Variants in RP9 observed in about 807,000 individuals in gnomAD.
RP9 encodes the protein retinitis pigmentosa 9 protein.
RP9 carries 23 observed loss-of-function variants against 32.6 expected under a neutral mutation model. The ratio of observed to expected loss-of-function variants is 0.71; its 90% CI spans 0.51 to 1.00. The LOEUF (loss-of-function observed/expected upper bound fraction) is 1.00, where lower values mean the gene tolerates loss of function less well. Among genes scored for constraint, RP9 ranks in the 50% least tolerant of loss-of-function variants. The pLI is 0.00. For missense variants in RP9, 245 were observed against 285.3 expected (o/e 0.86, Z 1.02); for synonymous variants, 94 against 103.6 (o/e 0.91, Z 0.56).
In RP9 at chr7:33,109,399, A is replaced by AGCCCCCGC. The variant is rs1305480028; in HGVS notation, c.-28_-27insGCGGGGGC. ...TCAGCCCCCGCAGCGCCGCTCGGGC[A>AGCCCCCGC]ACCCCCGCGGCGCGGCTCCGGCGGC... On this transcript the variant is annotated 5_prime_UTR_variant, in exon 1 of 6. Coordinates refer to ENST00000297157, the MANE Select transcript of RP9 (RefSeq NM_203288.2). The surrounding 1 kb of genome is among the most constrained non-coding windows in gnomAD (Gnocchi z 4.9). The AGCCCCCGC allele has an allele frequency of 3.5e-6, 4 of 1,149,732 alleles. No individual in the cohort carries two copies. The East Asian group carries it at 2.2e-4, about 63-fold the overall frequency. 71.2% of individuals were successfully genotyped at this position (1,149,732 alleles called of 1,614,324 possible).
At chr7:33,096,270 A>G (rs1474505568) in intron 5 of RP9, among the ~76,000 whole-genome samples, 3 of 152,222 alleles carry the variant, frequency 2.0e-5, no homozygotes, top group Non-Finnish European at 2.9e-5. Context: ...GTGGCCAGAG[A>G]GCTGGACCAA....
intron 3 of RP9, among the ~76,000 whole-genome samples, chr7:33,098,675 C>T (rs1406497815): frequency 6.6e-6 from 1 of 152,168 alleles, no homozygotes; most frequent in East Asian, 1.9e-4. Context: ...GTTGTCTTTG[C>T]TTTTAACAAA....
chr7:33,109,152 C>A lies in RP9; in HGVS notation c.152+69G>T. The A allele has an allele frequency of 6.9e-7, 1 of 1,457,178 alleles. No individual in the cohort carries two copies. 90.3% of individuals were successfully genotyped at this position (1,457,178 alleles called of 1,614,324 possible). On this transcript the variant is annotated intron_variant, in intron 1 of 5. Transcript: ENST00000297157. The surrounding 1 kb of genome is among the most constrained non-coding windows in gnomAD (Gnocchi z 4.9). ...GGAGGACCCGGCCTAGCGCCCACCG[C>A]GGCGTCCCGCGCCCCGGGCCCCTGG...
At chr7:33,097,504 C>T in intron 3 of RP9, 142 bp from the exon 4 acceptor site, 1 of 654,276 alleles carries the variant, frequency 1.5e-6, no homozygotes, top group South Asian at 1.9e-5. Context: ...CATGTAAGAT[C>T]CCAGAAACAG....
intron 1 of RP9, among the ~76,000 whole-genome samples, chr7:33,107,850 T>G (rs1788520402): frequency 6.6e-6 from 1 of 152,228 alleles, no homozygotes; most frequent in Non-Finnish European, 1.5e-5. Flanking sequence ...TCCAGAGCAA[T>G]TCTCAGGCTG....
intron 1 of RP9, among the ~76,000 whole-genome samples, chr7:33,102,002 C>T (rs958923475): frequency 2.6e-5 from 4 of 151,990 alleles, no homozygotes; most frequent in Admixed American, 1.3e-4. Flanking sequence ...AAGCATTATA[C>T]AAAAAATATA....
chr7:33,095,168 G>C lies in RP9; in HGVS notation c.*66C>G, dbSNP rs538428399. On this transcript the variant is annotated 3_prime_UTR_variant, in exon 6 of 6. Transcript: ENST00000297157. ...GCGTCTCTATCCTGCTGCTTTCTCT[G>C]ACTGCATCTTCCTCTGTTCCTTGGT... is the stretch of plus-strand genomic sequence containing the variant. 379 of 1,589,874 alleles carry C rather than the reference G, an allele frequency of 2.4e-4. 1 individual carries two copies. Among genetic ancestry groups the C allele is most frequent in the Non-Finnish European group, 3.1e-4 (358 of 1,158,464 alleles).
At chr7:33,102,314 A>G (rs192881414) in intron 1 of RP9, among the ~76,000 whole-genome samples, 50 of 152,328 alleles carry the variant, frequency 3.3e-4, no homozygotes, top group Non-Finnish European at 6.8e-4. Flanking sequence ...ACAGTGTGAC[A>G]GTTAAGAGGT....
intron 2 of RP9, 200 bp downstream of exon 2, chr7:33,100,331 G>A (rs1466522418): frequency 1.6e-6 from 1 of 636,182 alleles, no homozygotes; most frequent in Non-Finnish European, 2.8e-6. Flanking sequence ...TTCAGGGAAG[G>A]GAAACATGGC....
At chr7:33,106,943 C>CAA (rs887599053) in intron 1 of RP9, among the ~76,000 whole-genome samples, 5 of 118,788 alleles carry the variant, frequency 4.2e-5, no homozygotes, top group Admixed American at 8.9e-5. Flanking sequence ...GACTCCATCT[C>CAA]AAAAAAAAAA....
intron 1 of RP9, chr7:33,100,844 G>A (rs2128032764): frequency 5.2e-6 from 3 of 578,236 alleles, no homozygotes; most frequent in Non-Finnish European, 3.3e-6. Context: ...CTCCAGATGG[G>A]ACAGGCAGCA....
intron 1 of RP9, among the ~76,000 whole-genome samples, chr7:33,106,830 G>C (rs1788506062): frequency 1.3e-5 from 2 of 152,040 alleles, no homozygotes; most frequent in South Asian, 2.1e-4. Context: ...TGTAGTCCCA[G>C]GTACTTGGGA....
chr7:33,097,280 CT>C lies in RP9; in HGVS notation c.395del (p.Gln132ArgfsTer24), dbSNP rs1655923227. 1 of 1,611,516 alleles carries C rather than the reference CT, an allele frequency of 6.2e-7. No individual in the cohort carries two copies. Among genetic ancestry groups the C allele is most frequent in the South Asian group, 1.1e-5 (1 of 91,022 alleles). The part of the protein sequence containing the change: ...FFIKGNQKLE[Q>X]FRVAHEDPMY... ...CTTGGACTTTACTTACCACTCTGAA[CT>C]GCTCTAACTTTTGGTTGCCTTTGAT... On this transcript the variant is annotated frameshift_variant, in exon 4 of 6. Transcript: ENST00000297157. LOFTEE classifies it high-confidence loss of function.
intron 1 of RP9, among the ~76,000 whole-genome samples, chr7:33,108,778 C>T (rs1788537829): frequency 6.6e-6 from 1 of 152,218 alleles, no homozygotes; most frequent in African/African-American, 2.4e-5. Flanking sequence ...CTCTAGTGCA[C>T]GGGTACATAA....
intron 1 of RP9, among the ~76,000 whole-genome samples, chr7:33,103,614 G>A (rs181767705): frequency 5.3e-5 from 8 of 152,006 alleles, no homozygotes; most frequent in Admixed American, 6.6e-5. Context: ...AGGAGTTCGC[G>A]ACCAGCCTGG....
intron 5 of RP9, among the ~76,000 whole-genome samples, chr7:33,096,085 C>T (rs1311981674): frequency 6.6e-6 from 1 of 152,226 alleles, no homozygotes; most frequent in African/African-American, 2.4e-5. Context: ...CCGCTGGCCT[C>T]GGCCTCCCAA....
intron 5 of RP9, among the ~76,000 whole-genome samples, chr7:33,095,752 C>T (rs185690834): frequency 2.2e-4 from 34 of 152,314 alleles, no homozygotes; most frequent in Admixed American, 2.2e-3. Flanking sequence ...TCTTAATCTA[C>T]ATCTTTAACA....
rs2128031897 is a variant in RP9, at chr7:33,097,373, A to G, written c.314-11T>C. On this transcript the variant is annotated splice_polypyrimidine_tract_variant and intron_variant, in intron 3 of 5. Transcript: ENST00000297157. ...GTTTGCAACGCCAACCTAAAAACGA[A>G]AAGAGAAATATTTCTGTAAGATAAC... 6.3e-7 allele frequency: 1 copy of G among 1,581,194 alleles called. No individual in the cohort carries two copies. The highest frequency in any genetic ancestry group is 8.7e-7 in the Non-Finnish European group (1 of 1,150,238).
At position 33,094,986 on chromosome 7, in the gene RP9, C is replaced by T; in HGVS notation, c.*248G>A. 2 of 536,842 alleles carry T rather than the reference C, an allele frequency of 3.7e-6. No homozygotes were observed. The highest frequency in any genetic ancestry group is 2.1e-5 in the South Asian group (1 of 47,630). The allele number at this position is 536,842 out of a possible 1,614,324, so 33.3% of individuals were successfully genotyped here. On this transcript the variant is annotated 3_prime_UTR_variant, in exon 6 of 6. Coordinates refer to ENST00000297157, the MANE Select transcript of RP9 (RefSeq NM_203288.2). ...TCAAAGGAATCGTAAACTCATGTGACCAGCAGGGAGGACAACGATGAAGAA... is the reference window on the plus strand; with the variant it reads ...TCAAAGGAATCGTAAACTCATGTGATCAGCAGGGAGGACAACGATGAAGAA...
Sources: gnomAD v4.1 joint callset for allele counts (sites outside exome capture counted in the v4.1 genomes callset) on GRCh38, gnomAD v4.1.1 for gene constraint, Gnocchi (gnomAD v3.1) non-coding constraint, MANE v1.5 for transcripts, NCBI Gene and HGNC (gene_info 2026-07-23, HGNC 2026-07-21) for gene names.